PSG5: variants seen among roughly 807,000 people sequenced by gnomAD.
PSG5 encodes the protein pregnancy specific beta-1-glycoprotein 5, also known as pregnancy-specific beta-1-glycoprotein 5.
In PSG5, 53 loss-of-function variants were observed where a neutral mutation model predicts 37.7. The observed-to-expected ratio is 1.41, with a 90% CI of 1.13 to 1.77. The LOEUF is 1.77. PSG5 is among the 40% of genes most tolerant of loss of function. The probability of loss-of-function intolerance (pLI) is 0.00; values close to 1 mark genes in which losing one functional copy is unlikely to be tolerated. For synonymous variants in PSG5, 221 were observed against 155.4 expected, an observed-to-expected ratio of 1.42 and a Z score of -3.14; for missense variants, 547 against 405.2, an observed-to-expected ratio of 1.35 and a Z score of -3.00.
In PSG5 at chr19:43,185,208, A is replaced by G. The variant is rs551504355; in HGVS notation, c.65-61T>C. ...CCTGTGTATTGGGGTGAAAAGATGG[A>G]GCCCTGGGTCCTGAGAAGGTCTCTT... On this transcript the variant is annotated intron_variant, in intron 1 of 5. Coordinates refer to ENST00000342951, the MANE Select transcript of PSG5 (RefSeq NM_002781.4). 1,293 of 1,513,388 alleles carry G rather than the reference A, an allele frequency of 8.5e-4. 31 individuals carry two copies. The highest frequency in any genetic ancestry group is 1.1e-3 in the Non-Finnish European group (1,199 of 1,122,492). The allele number at this position is 1,513,388 out of a possible 1,614,324, so 93.7% of individuals were successfully genotyped here. A position where few individuals can be genotyped will look rare whatever the true frequency, so the allele number is the denominator to read the frequency against.
chr19:43,176,379 A>G (rs560706010), intron 2 of PSG5, among the ~76,000 whole-genome samples: 2 of 151,724 alleles, frequency 1.3e-5, no homozygotes, highest in South Asian at 4.2e-4. Flanking sequence ...TCAATTGAGC[A>G]GCAGTGTTGG....
rs1969009032 is a variant in PSG5 at position 43,176,231 on chromosome 19, C to T, written c.431-83G>A. The T allele has an allele frequency of 1.9e-6, 3 of 1,568,754 alleles. No homozygotes were observed. The Admixed American group carries it at 5.2e-5, about 27-fold the overall frequency. ...CATCCTTCAATCAGAGTTGGCATCT[C>T]CCACCTGTCAACCCACCAGAGTCCT... On this transcript the variant is annotated intron_variant, in intron 2 of 5. Coordinates refer to ENST00000342951, the MANE Select transcript of PSG5 (RefSeq NM_002781.4).
chr19:43,183,178 C>T (rs1969166563), intron 2 of PSG5: 1 of 265,558 alleles, frequency 3.8e-6, no homozygotes, highest in African/African-American at 2.3e-5. Flanking sequence ...ACCAGCTGCC[C>T]CCAGTTCCAC....
intron 2 of PSG5, among the ~76,000 whole-genome samples, chr19:43,181,451 A>T (rs1164507431): frequency 6.6e-6 from 1 of 151,194 alleles, no homozygotes; most frequent in Non-Finnish European, 1.5e-5. Context: ...AGCATTCTTC[A>T]TTTCTCTAAC....
At chr19:43,169,417 G>A (rs920205778) in intron 5 of PSG5, among the ~76,000 whole-genome samples, 24 of 151,590 alleles carry the variant, frequency 1.6e-4, no homozygotes, top group African/African-American at 2.2e-4. Flanking sequence ...AGATGGTGGA[G>A]GGGATTTCAC....
rs201105031 is a variant in PSG5 at position 43,184,736 on chromosome 19, A to G, written c.430+46T>C. On this transcript the variant is annotated intron_variant, in intron 2 of 5. Coordinates refer to ENST00000342951, the MANE Select transcript of PSG5 (RefSeq NM_002781.4). ...ACAATCCTGTGTGTGTGAAGTAGAA[A>G]TGACCCCTGTCCCCCAACACCCAGG... 414 of 1,603,232 alleles carry G rather than the reference A, an allele frequency of 2.6e-4. 6 individuals are homozygous for G. The African/African-American group carries it at 4.5e-3, about 18-fold the overall frequency.
intron 4 of PSG5, among the ~76,000 whole-genome samples, chr19:43,171,966 G>A (rs1447935800): frequency 4.5e-5 from 6 of 134,600 alleles, no homozygotes; most frequent in East Asian, 2.1e-4. Context: ...TACATAGTGA[G>A]AGCCCGTCCC....
intron 4 of PSG5, chr19:43,174,551 A>T: frequency 1.1e-6 from 1 of 887,260 alleles, no homozygotes; most frequent in Non-Finnish European, 1.4e-6. Flanking sequence ...GACGCAACGC[A>T]GGAGTCTTCC....
rs146078410 is a variant in PSG5 at position 43,183,651 on chromosome 19, G to T, written c.430+1131C>A. ...GCAGTTGATTTAGTTCTGGAGTGCA[G>T]ACTAATCAGCTGACCATTTGCTCTC... On this transcript the variant is annotated intron_variant, in intron 2 of 5. Transcript: ENST00000342951. Among the ~76,000 whole-genome samples, 256 of 151,506 alleles carry T rather than the reference G, an allele frequency of 1.7e-3. 3 individuals are homozygous for T. Among genetic ancestry groups the T allele is most frequent in the African/African-American group, 5.8e-3 (240 of 41,124 alleles).
At chr19:43,176,876 C>T (rs1424786016) in intron 2 of PSG5, among the ~76,000 whole-genome samples, 1 of 150,898 alleles carries the variant, frequency 6.6e-6, no homozygotes, top group South Asian at 2.1e-4. Flanking sequence ...ACCATGTTCC[C>T]TGTCCTGGGT....
intron 1 of PSG5, 150 bp downstream of exon 1, chr19:43,186,192 G>C (rs1966935915): frequency 7.3e-7 from 1 of 1,372,188 alleles, no homozygotes; most frequent in African/African-American, 1.5e-5. Flanking sequence ...TGGCAGGACT[G>C]ACCTTGAACT....
chr19:43,175,372 T>A lies in PSG5; in HGVS notation c.807A>T (p.Ala269=). Residue 269 remains alanine (A), a synonymous_variant, in exon 4 of 6, where the codon GCA becomes GCT. Transcript: ENST00000342951. ...LSCFAESNPP[A]EYFWTINGKF... is the part of the protein sequence containing the mutation. ...TCCCATTAATTGTCCAAAAATACTC[T>A]GCCGGTGGGTTAGATTCCGCGAAGC... 2 of 1,612,920 alleles carry A rather than the reference T, an allele frequency of 1.2e-6. No individual in the cohort carries two copies. Among genetic ancestry groups the A allele is most frequent in the Non-Finnish European group, 8.5e-7 (1 of 1,179,274 alleles).
chr19:43,181,885 G>A (rs868721238), intron 2 of PSG5, among the ~76,000 whole-genome samples: 2 of 151,728 alleles, frequency 1.3e-5, no homozygotes, highest in African/African-American at 2.4e-5. Flanking sequence ...GAAGTGACAG[G>A]AGAATGTGAG....
At chr19:43,170,217 C>A in intron 4 of PSG5, 79 bp from the exon 5 acceptor site, 1 of 1,213,440 alleles carries the variant, frequency 8.2e-7, no homozygotes, top group African/African-American at 1.5e-5. Flanking sequence ...AGGCATGTAG[C>A]ATGAGGTACT....
intron 2 of PSG5, among the ~76,000 whole-genome samples, chr19:43,177,621 G>A (rs1366818045): frequency 6.6e-6 from 1 of 151,372 alleles, no homozygotes; most frequent in Admixed American, 6.6e-5. Context: ...GAGAAAGGCT[G>A]ATTGCTGTCT....
chr19:43,175,032 A>G lies in PSG5; in HGVS notation c.964+183T>C, dbSNP rs555569623. 2.2e-5 allele frequency: 33 copies of G among 1,511,336 alleles called. No homozygotes were observed. In the East Asian group the frequency reaches 4.3e-4, roughly 20 times the overall value. 93.6% of individuals were successfully genotyped at this position (1,511,336 alleles called of 1,614,324 possible). A position where few individuals can be genotyped will look rare whatever the true frequency, so the allele number is the denominator to read the frequency against. ...CCAGACACAAGGTCAGCCATGAGAA[A>G]ACAGAAAAACAAGGAGAAGAGAGTT... On this transcript the variant is annotated intron_variant, in intron 4 of 5. Transcript: ENST00000342951.
intron 2 of PSG5, chr19:43,178,976 T>C (rs754187360): frequency 1.9e-6 from 3 of 1,612,754 alleles, no homozygotes; most frequent in Admixed American, 3.3e-5. Context: ...TGACACCAAA[T>C]ATAAAGAGGG....
At chr19:43,171,627 T>C in intron 4 of PSG5, 1 of 592,696 alleles carries the variant, frequency 1.7e-6, no homozygotes. Context: ...AACCATTAAC[T>C]AGATTGACTA....
chr19:43,181,339 C>T (rs1370870879), intron 2 of PSG5, among the ~76,000 whole-genome samples: 1 of 151,746 alleles, frequency 6.6e-6, no homozygotes, highest in Non-Finnish European at 1.5e-5. Context: ...TTCCCCCACT[C>T]TTATTGAACT....
Sources: gnomAD v4.1 joint callset for allele counts (sites outside exome capture counted in the v4.1 genomes callset) on GRCh38, gnomAD v4.1.1 for gene constraint, MANE v1.5 for transcripts, NCBI Gene and HGNC (gene_info 2026-07-23, HGNC 2026-07-21) for gene names.